The following STYX variants were observed in gnomAD, a reference collection of about 807,000 sequenced individuals.
STYX encodes serine/threonine/tyrosine-interacting protein.
In STYX, 20 loss-of-function variants were observed where a neutral mutation model predicts 42.7. That is an observed-to-expected ratio of 0.47 (90% confidence interval 0.33 to 0.68). The LOEUF (loss-of-function observed/expected upper bound fraction) is 0.68, where lower values mean the gene tolerates loss of function less well. STYX is among the 30% of genes least tolerant of loss of function. The pLI is 0.02. For synonymous variants in STYX, 78 were observed against 81.9 expected (o/e 0.95, Z 0.26); for missense variants, 226 against 268.5 (o/e 0.84, Z 1.11).
chr14:52,744,926 A>C (rs773915811), intron 2 of STYX, 42 bp downstream of exon 2: 1 of 1,596,914 alleles, frequency 6.3e-7, no homozygotes, highest in Non-Finnish European at 8.6e-7. Flanking sequence ...CCATGTTATT[A>C]TCATAATAAG....
chr14:52,743,703 G>T (rs1288133008), intron 1 of STYX, among the ~76,000 whole-genome samples: 1 of 152,012 alleles, frequency 6.6e-6, no homozygotes, highest in Non-Finnish European at 1.5e-5. Flanking sequence ...AAAATAAAAG[G>T]TTAAAAAAAT....
intron 3 of STYX, among the ~76,000 whole-genome samples, chr14:52,748,097 T>A (rs1881464011): frequency 1.3e-5 from 2 of 152,248 alleles, no homozygotes; most frequent in African/African-American, 4.8e-5. Flanking sequence ...TGTGGCAGTT[T>A]ATTTCCCACC....
chr14:52,756,487 T>G (rs890460389), intron 4 of STYX, 64 bp from the exon 5 acceptor site: 5 of 959,582 alleles, frequency 5.2e-6, no homozygotes, highest in Non-Finnish European at 8.0e-6. Flanking sequence ...TAATGAGTTA[T>G]TTTTTTAAAG....
chr14:52,733,119 C>G (rs1487515683), intron 1 of STYX, among the ~76,000 whole-genome samples: 1 of 152,160 alleles, frequency 6.6e-6, no homozygotes, highest in Admixed American at 6.5e-5. Context: ...CACAGTAGCA[C>G]AAGACACAGA....
chr14:52,733,535 A>G (rs916714099), intron 1 of STYX, among the ~76,000 whole-genome samples: 2 of 152,176 alleles, frequency 1.3e-5, no homozygotes, highest in Non-Finnish European at 2.9e-5. Flanking sequence ...GTTGTCACCT[A>G]TACACTCCTG....
chr14:52,751,320 T>A (rs920320333), intron 4 of STYX, among the ~76,000 whole-genome samples: 8 of 152,210 alleles, frequency 5.3e-5, no homozygotes, highest in Non-Finnish European at 1.0e-4. Flanking sequence ...TACTAAAATT[T>A]ATTCAATTAG....
At chr14:52,745,221 A>C (rs1350448250) in intron 2 of STYX, among the ~76,000 whole-genome samples, 2 of 151,916 alleles carry the variant, frequency 1.3e-5, no homozygotes, top group Non-Finnish European at 2.9e-5. Context: ...CCCGGGTTCA[A>C]GTGATTCTCC....
rs1437858503 is a variant in STYX, at chr14:52,774,123, G to T, written c.*3017G>T. 1 of 152,182 alleles carries T rather than the reference G, an allele frequency of 6.6e-6. No individual in the cohort carries two copies. The highest frequency in any genetic ancestry group is 1.5e-5 in the Non-Finnish European group (1 of 68,018). The allele number at this position is 152,182 out of a possible 1,614,324, so 9.4% of individuals were successfully genotyped here. On this transcript the variant is annotated 3_prime_UTR_variant, in exon 11 of 11. Coordinates refer to ENST00000354586, the MANE Select transcript of STYX (RefSeq NM_145251.4). ...CTTGTATCTACTCTGTGGTGGAAAT[G>T]TTAAACCATGATAGCTTTTGCTACC...
Position 52,773,127 on chromosome 14 carries a change from T to G in STYX, c.*2021T>G, listed in dbSNP as rs1882578192. 6.6e-6 allele frequency: 1 copy of G among 152,140 alleles called. No individual in the cohort carries two copies. The highest frequency in any genetic ancestry group is 1.5e-5 in the Non-Finnish European group (1 of 68,034). 9.4% of individuals were successfully genotyped at this position (152,140 alleles called of 1,614,324 possible). A position where few individuals can be genotyped will look rare whatever the true frequency, so the allele number is the denominator to read the frequency against. ...TAAAAACTTGTTTCATAAATATACA[T>G]ATATCCTCTCTAGTAGTCTGGCCAA... On this transcript the variant is annotated 3_prime_UTR_variant, in exon 11 of 11. Coordinates refer to ENST00000354586, the MANE Select transcript of STYX (RefSeq NM_145251.4).
At position 52,773,903 on chromosome 14, in the gene STYX, T is replaced by G. The variant is rs1047818315; in HGVS notation, c.*2797T>G. 2 of 152,180 alleles carry G rather than the reference T, an allele frequency of 1.3e-5. No homozygotes were observed. The highest frequency in any genetic ancestry group is 4.8e-5 in the African/African-American group (2 of 41,454). 9.4% of individuals were successfully genotyped at this position (152,180 alleles called of 1,614,324 possible). ...ATGAGTGACCACCCAATTCCAACAT[T>G]AAAAGTGTAATCTGGGCCCATAATT... On this transcript the variant is annotated 3_prime_UTR_variant, in exon 11 of 11. Coordinates refer to ENST00000354586, the MANE Select transcript of STYX (RefSeq NM_145251.4).
At chr14:52,744,310 G>A (rs1267746621) in intron 1 of STYX, among the ~76,000 whole-genome samples, 1 of 152,200 alleles carries the variant, frequency 6.6e-6, no homozygotes, top group African/African-American at 2.4e-5. Flanking sequence ...AACTAGACAA[G>A]AATGTTAGGC....
chr14:52,731,433 C>T (rs1226097859), intron 1 of STYX, among the ~76,000 whole-genome samples: 8 of 105,624 alleles, frequency 7.6e-5, no homozygotes, highest in Admixed American at 1.2e-4. Context: ...TGGAGGTTCA[C>T]TTTTTTTTTT....
chr14:52,758,639 G>A (rs552996108), intron 8 of STYX, among the ~76,000 whole-genome samples: 3 of 151,878 alleles, frequency 2.0e-5, no homozygotes, highest in Admixed American at 1.3e-4. Context: ...GCAGTGGTGC[G>A]ATCTCAGCTC....
At chr14:52,740,129 T>C (rs369224788) in intron 1 of STYX, among the ~76,000 whole-genome samples, 1 of 151,978 alleles carries the variant, frequency 6.6e-6, no homozygotes, top group African/African-American at 2.4e-5. Flanking sequence ...ATACAAAAAT[T>C]AGCCAGGTTT....
Position 52,774,491 on chromosome 14 carries a change from G to A in STYX, c.*3385G>A, listed in dbSNP as rs1400412159. The stretch of plus-strand genomic sequence containing the variant: ...TTTCTTTCTTTCTTTGTTCAACAGT[G>A]CTCCGATAAGGGAATGCTAGAAAAT... On this transcript the variant is annotated 3_prime_UTR_variant, in exon 11 of 11. Transcript: ENST00000354586. 2 of 151,186 alleles carry A rather than the reference G, an allele frequency of 1.3e-5. No individual in the cohort carries two copies. Among genetic ancestry groups the A allele is most frequent in the Non-Finnish European group, 2.9e-5 (2 of 67,902 alleles). 9.4% of individuals were successfully genotyped at this position (151,186 alleles called of 1,614,324 possible). A position where few individuals can be genotyped will look rare whatever the true frequency, so the allele number is the denominator to read the frequency against.
At chr14:52,755,937 T>C (rs1427195926) in intron 4 of STYX, among the ~76,000 whole-genome samples, 1 of 152,206 alleles carries the variant, frequency 6.6e-6, no homozygotes. Context: ...TCTTTATTTC[T>C]AGGTCCACTC....
intron 1 of STYX, among the ~76,000 whole-genome samples, chr14:52,733,904 C>T (rs924013477): frequency 1.3e-5 from 2 of 152,130 alleles, no homozygotes; most frequent in Non-Finnish European, 2.9e-5. Flanking sequence ...CAGCACTCCC[C>T]CCCGACCCCC....
At chr14:52,732,563 GCGCCCGGCC>G (rs1566666545) in intron 1 of STYX, among the ~76,000 whole-genome samples, 1 of 152,002 alleles carries the variant, frequency 6.6e-6, no homozygotes, top group East Asian at 1.9e-4. Context: ...GTGAGCTACC[GCGCCCGGCC>G]AATATACTCT....
intron 1 of STYX, among the ~76,000 whole-genome samples, 194 bp downstream of exon 1, chr14:52,730,725 G>A (rs565876242): frequency 6.6e-6 from 1 of 152,358 alleles, no homozygotes; most frequent in Non-Finnish European, 1.5e-5. Flanking sequence ...CCCCGCGGAG[G>A]GGCAGCGTCT....
Sources: gnomAD v4.1 joint callset for allele counts (sites outside exome capture counted in the v4.1 genomes callset) on GRCh38, gnomAD v4.1.1 for gene constraint, MANE v1.5 for transcripts, NCBI Gene and HGNC (gene_info 2026-07-23, HGNC 2026-07-21) for gene names.